BTBD9: variants seen among roughly 807,000 people sequenced by gnomAD.
BTBD9 encodes BTB/POZ domain-containing protein 9.
In BTBD9, 49 loss-of-function variants were observed where a neutral mutation model predicts 64.3. That is an observed-to-expected ratio of 0.76 (90% CI 0.61 to 0.97). BTBD9 has a LOEUF of 0.97. BTBD9 is among the 50% of genes least tolerant of loss of function. The pLI is 0.00. For missense variants in BTBD9, 598 were observed against 762.1 expected (o/e 0.78, Z 2.53); for synonymous variants, 260 against 274.7 (o/e 0.95, Z 0.53).
intron 6 of BTBD9, among the ~76,000 whole-genome samples, chr6:38,392,269 T>TA (rs1766452964): frequency 6.6e-6 from 1 of 150,894 alleles, no homozygotes; most frequent in South Asian, 2.1e-4. Flanking sequence ...GGGAATGCTT[T>TA]AAAAAAAGAA....
intron 2 of BTBD9, chr6:38,595,632 A>G (rs968936588): frequency 1.8e-5 from 4 of 225,402 alleles, no homozygotes; most frequent in Non-Finnish European, 3.0e-5. Context: ...TGTTGCTAAA[A>G]TTCTCAGAGT....
At chr6:38,324,150 T>C (rs932376158) in intron 7 of BTBD9, among the ~76,000 whole-genome samples, 3 of 152,158 alleles carry the variant, frequency 2.0e-5, no homozygotes, top group African/African-American at 7.2e-5. Context: ...AAAAAACGGA[T>C]AATTTACATC....
chr6:38,516,012 A>G (rs990076042), intron 6 of BTBD9, among the ~76,000 whole-genome samples: 1 of 152,246 alleles, frequency 6.6e-6, no homozygotes, highest in African/African-American at 2.4e-5. Context: ...TTGTAGTTAC[A>G]TAACAGACTA....
At chr6:38,358,984 G>C (rs1053388237) in intron 6 of BTBD9, among the ~76,000 whole-genome samples, 1 of 151,372 alleles carries the variant, frequency 6.6e-6, no homozygotes, top group Non-Finnish European at 1.5e-5. Context: ...TGTTAGCCAG[G>C]ATGGTCTCGA....
chr6:38,219,364 A>G lies in BTBD9; in HGVS notation c.1563-26767T>C, dbSNP rs990878216. Among the ~76,000 whole-genome samples the G allele has an allele frequency of 1.7e-4, 26 of 148,968 alleles. 1 individual carries two copies. Among genetic ancestry groups the G allele is most frequent in the Admixed American group, 2.0e-4 (3 of 14,868 alleles). ...TCAGCATGTTGGCCAGGATGGTCTC[A>G]ATCTCTTGACCTAATGATCCACCCA... On this transcript the variant is annotated intron_variant, in intron 9 of 10. Coordinates refer to ENST00000481247, the MANE Select transcript of BTBD9 (RefSeq NM_001099272.2).
chr6:38,636,071 CA>C (rs1247722131), intron 1 of BTBD9, among the ~76,000 whole-genome samples: 1 of 152,182 alleles, frequency 6.6e-6, no homozygotes, highest in Admixed American at 6.5e-5. Flanking sequence ...ATAAGACAGG[CA>C]TTGTGTTAAT....
intron 6 of BTBD9, among the ~76,000 whole-genome samples, chr6:38,551,184 ATGT>A (rs1239956830): frequency 6.6e-6 from 1 of 152,220 alleles, no homozygotes; most frequent in Non-Finnish European, 1.5e-5. Context: ...GAAGACAGAC[ATGT>A]TGTCCAATCT....
chr6:38,562,221 C>T (rs868333692), intron 6 of BTBD9, among the ~76,000 whole-genome samples: 10 of 152,296 alleles, frequency 6.6e-5, no homozygotes, highest in Middle Eastern at 6.8e-3. Context: ...TTCTGTTACA[C>T]AAAATGGAGA....
intron 9 of BTBD9, among the ~76,000 whole-genome samples, chr6:38,221,885 G>T (rs1243452388): frequency 6.6e-6 from 1 of 152,174 alleles, no homozygotes; most frequent in Non-Finnish European, 1.5e-5. Context: ...CAGCTACTTG[G>T]GAGGCTGAGG....
intron 6 of BTBD9, among the ~76,000 whole-genome samples, chr6:38,450,326 T>G (rs953301027): frequency 3.3e-5 from 5 of 152,120 alleles, no homozygotes; most frequent in Non-Finnish European, 7.4e-5. Context: ...TTAGACAGAA[T>G]AAGTTCAAGA....
intron 7 of BTBD9, among the ~76,000 whole-genome samples, chr6:38,320,337 G>A (rs538348150): frequency 6.6e-6 from 1 of 152,174 alleles, no homozygotes; most frequent in Admixed American, 6.5e-5. Context: ...CTTCTATTTG[G>A]CCATCTTACT....
chr6:38,268,384 T>C (rs1320461547), intron 8 of BTBD9, among the ~76,000 whole-genome samples: 2 of 152,184 alleles, frequency 1.3e-5, no homozygotes, highest in Non-Finnish European at 2.9e-5. Context: ...TCCGTATCTG[T>C]GGGAGAACTC....
intron 7 of BTBD9, among the ~76,000 whole-genome samples, chr6:38,329,323 C>CTTT (rs201597571): frequency 1.5e-5 from 2 of 132,712 alleles, no homozygotes; most frequent in African/African-American, 5.5e-5. Flanking sequence ...CCTTTTTTTC[C>CTTT]TTTTTTTTTT....
intron 9 of BTBD9, among the ~76,000 whole-genome samples, chr6:38,234,421 TA>T (rs775069405): frequency 1.3e-5 from 2 of 152,138 alleles, no homozygotes; most frequent in African/African-American, 2.4e-5. Flanking sequence ...GAGAAGCAGT[TA>T]CAAGGGTTGG....
intron 6 of BTBD9, among the ~76,000 whole-genome samples, chr6:38,473,802 GTATGGAGGAATTAAT>G (rs1283702931): frequency 6.6e-6 from 1 of 152,114 alleles, no homozygotes; most frequent in Non-Finnish European, 1.5e-5. Context: ...AAAATACTTG[GTATGGAGGAATTAAT>G]TAAGGGGTGA....
chr6:38,248,893 A>T (rs529735072), intron 9 of BTBD9, among the ~76,000 whole-genome samples: 31 of 152,366 alleles, frequency 2.0e-4, no homozygotes, highest in Non-Finnish European at 3.8e-4. Context: ...ATCGAGGAGA[A>T]CTGGGCAGAT....
chr6:38,589,639 T>C (rs1776704119), intron 4 of BTBD9, among the ~76,000 whole-genome samples: 1 of 152,208 alleles, frequency 6.6e-6, no homozygotes, highest in Non-Finnish European at 1.5e-5. Flanking sequence ...TTTACTACCT[T>C]ACAATCCAAT....
rs1367891065 is a variant in BTBD9 at position 38,173,648 on chromosome 6, A to G, written c.*1337T>C. On this transcript the variant is annotated 3_prime_UTR_variant, in exon 11 of 11. Coordinates refer to ENST00000481247, the MANE Select transcript of BTBD9 (RefSeq NM_001099272.2). ...ATATGTCTTTGACACACCTGAAAGG[A>G]AACTCCCACGCCCTCACCCTCCTTT... 6.6e-6 allele frequency: 1 copy of G among 152,274 alleles called. No individual in the cohort carries two copies. Among genetic ancestry groups the G allele is most frequent in the Non-Finnish European group, 1.5e-5 (1 of 68,078 alleles). 9.4% of individuals were successfully genotyped at this position (152,274 alleles called of 1,614,324 possible).
At chr6:38,634,763 T>C (rs912248514) in intron 1 of BTBD9, among the ~76,000 whole-genome samples, 1 of 152,220 alleles carries the variant, frequency 6.6e-6, no homozygotes, top group Non-Finnish European at 1.5e-5. Context: ...CATGCCATCA[T>C]GCACCAGGAC....
Sources: allele counts gnomAD v4.1 joint callset (sites outside exome capture counted in the v4.1 genomes callset), GRCh38; gene constraint gnomAD v4.1.1; transcripts MANE v1.5; gene names NCBI Gene and HGNC (gene_info 2026-07-23, HGNC 2026-07-21).